Variants in RASA3 observed in about 807,000 individuals in gnomAD.
RASA3 encodes the protein RAS p21 protein activator 3.
In RASA3, 73 loss-of-function variants were observed where a neutral mutation model predicts 110.0. The observed-to-expected ratio is 0.66, with a 90% CI of 0.55 to 0.81. The LOEUF (loss-of-function observed/expected upper bound fraction) is 0.81. RASA3 is among the 30% of genes least tolerant of loss of function. The pLI is 0.00. For synonymous variants in RASA3, 500 were observed against 451.4 expected (o/e 1.11, Z -1.37); for missense variants, 976 against 1,113.2 (o/e 0.88, Z 1.75).
intron 9 of RASA3, among the ~76,000 whole-genome samples, chr13:114,020,103 CCCCCCTCAGGTGGGTGG>C (rs2053891300): frequency 2.1e-5 from 1 of 47,384 alleles, no homozygotes; most frequent in Non-Finnish European, 3.6e-5. Flanking sequence ...GAGGCATTAG[CCCCCCTCAGGTGGGTGG>C]AGCCTGTGTC....
At chr13:114,130,386 G>C (rs184141772) in intron 1 of RASA3, among the ~76,000 whole-genome samples, 1 of 152,334 alleles carries the variant, frequency 6.6e-6, no homozygotes, top group East Asian at 1.9e-4. Context: ...CAAAGGTTCA[G>C]ATGATATCCA....
At chr13:114,058,534 G>A (rs1370116846) in intron 2 of RASA3, among the ~76,000 whole-genome samples, 2 of 152,198 alleles carry the variant, frequency 1.3e-5, no homozygotes, top group South Asian at 2.1e-4. Flanking sequence ...GCCAAAACAC[G>A]GTGTCCACTT....
chr13:114,106,482 C>T (rs11147312), intron 1 of RASA3, among the ~76,000 whole-genome samples: 23,484 of 152,204 alleles, frequency 0.15, 1,859 homozygotes, highest in Middle Eastern at 0.28. Flanking sequence ...TGACAGTCAA[C>T]TCATTACGTG....
chr13:114,064,817 G>A (rs1594410825), intron 2 of RASA3, among the ~76,000 whole-genome samples: 1 of 152,244 alleles, frequency 6.6e-6, no homozygotes, highest in East Asian at 1.9e-4. Context: ...TGAATGCCTG[G>A]CCCAGGCGGC....
At chr13:113,998,635 C>G (rs550308141) in intron 20 of RASA3, among the ~76,000 whole-genome samples, 1 of 152,324 alleles carries the variant, frequency 6.6e-6, no homozygotes, top group South Asian at 2.1e-4. Flanking sequence ...GGGAGGCCAC[C>G]ACACAATGGT....
intron 1 of RASA3, among the ~76,000 whole-genome samples, chr13:114,082,891 C>T (rs940787039): frequency 2.0e-5 from 3 of 152,182 alleles, no homozygotes; most frequent in African/African-American, 7.2e-5. Context: ...TAATGAGATA[C>T]ACAGTCCTCT....
chr13:114,009,963 G>A (rs551129819), intron 16 of RASA3, among the ~76,000 whole-genome samples: 2 of 152,348 alleles, frequency 1.3e-5, no homozygotes, highest in African/African-American at 2.4e-5. Context: ...CACCATTCCT[G>A]AGGCTCGACC....
intron 1 of RASA3, among the ~76,000 whole-genome samples, chr13:114,109,459 A>G (rs540609527): frequency 8.6e-4 from 131 of 152,234 alleles, no homozygotes; most frequent in Middle Eastern, 3.4e-3. Context: ...ATCCCAAGCC[A>G]ATGACAGCTT....
At chr13:114,003,762 CT>C (rs1258891292) in intron 18 of RASA3, among the ~76,000 whole-genome samples, 5 of 152,258 alleles carry the variant, frequency 3.3e-5, no homozygotes, top group African/African-American at 1.2e-4. Context: ...TATTATTTTT[CT>C]ACCTATTTAA....
intron 1 of RASA3, among the ~76,000 whole-genome samples, chr13:114,074,876 C>A (rs183528926): frequency 6.6e-6 from 1 of 152,254 alleles, no homozygotes; most frequent in African/African-American, 2.4e-5. Flanking sequence ...CAGCGGCAAG[C>A]CTAACGGCCC....
chr13:114,004,729 CAA>C (rs200545173), intron 18 of RASA3, among the ~76,000 whole-genome samples: 2,352 of 152,256 alleles, frequency 0.015, 27 homozygotes, highest in Middle Eastern at 0.037. Context: ...GGAGATTTCT[CAA>C]GAAGCTAAAG....
chr13:113,997,348 T>C (rs2053279560), intron 20 of RASA3, among the ~76,000 whole-genome samples: 2 of 152,048 alleles, frequency 1.3e-5, no homozygotes, highest in South Asian at 2.1e-4. Context: ...AAGCCTGGCA[T>C]AGAGTTTCTA....
At chr13:114,021,353 T>C in intron 9 of RASA3, 51 bp downstream of exon 9, 2 of 1,546,808 alleles carry the variant, frequency 1.3e-6, no homozygotes, top group Non-Finnish European at 1.8e-6. Flanking sequence ...GCAGCACGTG[T>C]TTTTGTGGCT....
chr13:113,999,467 A>G, intron 20 of RASA3, 118 bp downstream of exon 20: 1 of 762,302 alleles, frequency 1.3e-6, no homozygotes, highest in Non-Finnish European at 2.3e-6. Flanking sequence ...GAAGACTCTG[A>G]GAAGCCTGGA....
At chr13:114,020,307 G>A (rs555965331) in intron 9 of RASA3, among the ~76,000 whole-genome samples, 24 of 151,988 alleles carry the variant, frequency 1.6e-4, no homozygotes, top group African/African-American at 4.3e-4. Flanking sequence ...GGCATTAGCC[G>A]CCCCCCATCG....
intron 20 of RASA3, among the ~76,000 whole-genome samples, chr13:113,999,329 C>G (rs1027461014): frequency 6.6e-6 from 1 of 152,216 alleles, no homozygotes; most frequent in South Asian, 2.1e-4. Flanking sequence ...CCACCTGAAG[C>G]AGCTCAGGCC....
intron 1 of RASA3, among the ~76,000 whole-genome samples, chr13:114,076,962 T>TTTTTTG (rs2139682464): frequency 6.6e-6 from 1 of 152,182 alleles, no homozygotes; most frequent in African/African-American, 2.4e-5. Flanking sequence ...TCTTTGGGAG[T>TTTTTTG]TTTTTGTTTT....
intron 1 of RASA3, among the ~76,000 whole-genome samples, chr13:114,083,535 TCG>T (rs1259135432): frequency 3.5e-5 from 5 of 141,066 alleles, no homozygotes; most frequent in Non-Finnish European, 8.0e-5. Flanking sequence ...TCGACTCCCT[TCG>T]TCCTCGCGGG....
chr13:114,029,785 C>G (rs983203308), intron 5 of RASA3, 26 bp downstream of exon 5: 11 of 1,575,894 alleles, frequency 7.0e-6, no homozygotes, highest in Non-Finnish European at 9.5e-6. Flanking sequence ...GCTGTGCGCT[C>G]GGTCTCTAGT....
Sources: gnomAD v4.1 joint callset for allele counts (sites outside exome capture counted in the v4.1 genomes callset) on GRCh38, gnomAD v4.1.1 for gene constraint, MANE v1.5 for transcripts, NCBI Gene and HGNC (gene_info 2026-07-23, HGNC 2026-07-21) for gene names.